Variants in ANKRD13C observed in about 807,000 individuals in gnomAD.
The protein encoded by ANKRD13C is ankyrin repeat domain 13C, also known as ankyrin repeat domain-containing protein 13C.
A neutral mutation model predicts 65.5 loss-of-function variants in ANKRD13C; 16 were observed. The observed-to-expected ratio is 0.24, with a 90% confidence interval of 0.17 to 0.37. The LOEUF (loss-of-function observed/expected upper bound fraction) is 0.37, where lower values mean the gene tolerates loss of function less well. Ranked by LOEUF, ANKRD13C falls within the 10% of genes least tolerant of loss-of-function variation. The pLI, the probability that ANKRD13C is intolerant of heterozygous loss-of-function variation, is 1.00. For synonymous variants in ANKRD13C, 235 were observed against 238.7 expected (o/e 0.98, Z 0.14); for missense variants, 503 against 655.9 (o/e 0.77, Z 2.55).
intron 12 of ANKRD13C, among the ~76,000 whole-genome samples, chr1:70,263,185 A>T (rs1194772738): frequency 1.3e-5 from 2 of 152,012 alleles, no homozygotes; most frequent in Admixed American, 1.3e-4. Flanking sequence ...TGCTTTTTGC[A>T]TTCTGACTTT....
chr1:70,279,898 G>C (rs914266416), intron 9 of ANKRD13C, among the ~76,000 whole-genome samples: 2 of 152,150 alleles, frequency 1.3e-5, no homozygotes, highest in African/African-American at 4.8e-5. Context: ...TTTGGTACGA[G>C]AGTCCATCTC....
intron 3 of ANKRD13C, 44 bp from the exon 4 acceptor site, chr1:70,315,610 T>A (rs373789750): frequency 6.6e-7 from 1 of 1,510,514 alleles, no homozygotes; most frequent in South Asian, 1.2e-5. Flanking sequence ...ATTTTCATCA[T>A]GCAGTAAAAA....
chr1:70,274,954 C>T lies in ANKRD13C; in HGVS notation c.1296-136G>A, dbSNP rs1448189445. 9 of 579,000 alleles carry T rather than the reference C, an allele frequency of 1.6e-5. No individual in the cohort carries two copies. In the East Asian group the frequency reaches 1.7e-4, roughly 11 times the overall value. The allele number at this position is 579,000 out of a possible 1,614,324, so 35.9% of individuals were successfully genotyped here. On this transcript the variant is annotated intron_variant, in intron 10 of 12. Coordinates refer to ENST00000370944, the MANE Select transcript of ANKRD13C (RefSeq NM_030816.5). Reference sequence around the variant, plus strand: ...CTCTGTCTACAGAAATAAAGTTATGCTAAAAGGGAATAAGATATGTATAAG... The same window carrying T: ...CTCTGTCTACAGAAATAAAGTTATGTTAAAAGGGAATAAGATATGTATAAG...
intron 5 of ANKRD13C, among the ~76,000 whole-genome samples, chr1:70,307,632 A>T (rs926050939): frequency 6.6e-6 from 1 of 152,168 alleles, no homozygotes; most frequent in Non-Finnish European, 1.5e-5. Flanking sequence ...GAAATAATGT[A>T]AGAAATCTTC....
At chr1:70,351,617 C>A (rs979340594) in intron 1 of ANKRD13C, among the ~76,000 whole-genome samples, 3 of 152,138 alleles carry the variant, frequency 2.0e-5, no homozygotes, top group African/African-American at 7.2e-5. Context: ...TCAGGCTGGT[C>A]TTGAACTCCT....
chr1:70,297,013 A>G (rs1208124916), intron 7 of ANKRD13C, among the ~76,000 whole-genome samples: 1 of 152,168 alleles, frequency 6.6e-6, no homozygotes, highest in Admixed American at 6.5e-5. Context: ...CAGGGACAGA[A>G]GACTAAATGA....
rs1363458002 is a variant in ANKRD13C at position 70,270,934 on chromosome 1, C to T, written c.1417G>A (p.Val473Ile). 3.7e-6 allele frequency: 6 copies of T among 1,611,070 alleles called. 1 individual carries two copies. In the Admixed American group the frequency reaches 5.0e-5, roughly 13 times the overall value. Residue 473 changes from valine (V) to isoleucine (I), a missense_variant, in exon 12 of 13, where the codon GTA becomes ATA. Around this residue, in one of 2 missense-constraint regions of ANKRD13C, gnomAD observed 300 missense variants for 478.3 expected, o/e 0.63. Coordinates refer to ENST00000370944, the MANE Select transcript of ANKRD13C (RefSeq NM_030816.5). ...TTGTTAAAGTGCTTGAAGGGAGCTA[C>T]TACTTCTAAAACATTCAATAATCTG... The part of the protein sequence containing the change: ...IELLLNVLEV[V>I]APFKHFNKLR...
chr1:70,342,401 G>C (rs549795636), intron 1 of ANKRD13C, among the ~76,000 whole-genome samples: 1 of 152,208 alleles, frequency 6.6e-6, no homozygotes, highest in African/African-American at 2.4e-5. Context: ...AGCCGGGCAT[G>C]GTGGCGCATG....
At position 70,348,390 on chromosome 1, in the gene ANKRD13C, C is replaced by T. The variant is rs139317918; in HGVS notation, c.430+5589G>A. ...ACCTCCCAGTCCTGCCTCAGCCTCC[C>T]GAGTAGCTAGGATTACAGGTGCGCG... On this transcript the variant is annotated intron_variant, in intron 1 of 12. Coordinates refer to ENST00000370944, the MANE Select transcript of ANKRD13C (RefSeq NM_030816.5). Among the ~76,000 whole-genome samples the T allele has an allele frequency of 3.3e-5, 5 of 152,102 alleles. 1 individual carries two copies. The highest frequency in any genetic ancestry group is 3.9e-4 in the East Asian group (2 of 5,166).
intron 3 of ANKRD13C, among the ~76,000 whole-genome samples, chr1:70,323,764 G>A (rs895066799): frequency 1.4e-4 from 21 of 145,254 alleles, no homozygotes; most frequent in South Asian, 2.2e-4. Context: ...TGCTCTTGTC[G>A]CCCGGGCTGG....
intron 1 of ANKRD13C, among the ~76,000 whole-genome samples, chr1:70,345,955 T>C (rs150260292): frequency 6.6e-6 from 1 of 152,284 alleles, no homozygotes; most frequent in East Asian, 1.9e-4. Context: ...TACACTCAAA[T>C]ACCCCTCAAA....
intron 8 of ANKRD13C, among the ~76,000 whole-genome samples, chr1:70,295,216 T>C (rs1680028354): frequency 6.6e-6 from 1 of 152,080 alleles, no homozygotes; most frequent in Non-Finnish European, 1.5e-5. Flanking sequence ...TGCTTCTTCA[T>C]ACAGCTCATT....
intron 2 of ANKRD13C, among the ~76,000 whole-genome samples, chr1:70,326,231 CAAAAAAAAAAAAAAAAA>C (rs59618915): frequency 1.9e-4 from 6 of 31,092 alleles, no homozygotes; most frequent in East Asian, 1.1e-3. Context: ...AACTCTGTCT[CAAAAAAAAAAAAAAAAA>C]AAAAAAAAAA....
intron 9 of ANKRD13C, among the ~76,000 whole-genome samples, chr1:70,279,272 C>T (rs1035873470): frequency 2.0e-5 from 3 of 152,030 alleles, no homozygotes; most frequent in African/African-American, 7.2e-5. Context: ...TTTCTCTACC[C>T]TCCGTTTTCT....
At chr1:70,316,191 A>G (rs1249298690) in intron 3 of ANKRD13C, among the ~76,000 whole-genome samples, 1 of 152,184 alleles carries the variant, frequency 6.6e-6, no homozygotes, top group Non-Finnish European at 1.5e-5. Context: ...ACAAAAATGA[A>G]TCTTATTGTA....
chr1:70,307,103 A>G (rs1317797378), intron 5 of ANKRD13C, among the ~76,000 whole-genome samples: 5 of 152,236 alleles, frequency 3.3e-5, no homozygotes, highest in Non-Finnish European at 5.9e-5. Flanking sequence ...CGGCAGATAT[A>G]TCTTACAAAA....
At chr1:70,274,652 A>T in intron 11 of ANKRD13C, 68 bp downstream of exon 11, 1 of 1,214,386 alleles carries the variant, frequency 8.2e-7, no homozygotes, top group Non-Finnish European at 1.2e-6. Flanking sequence ...CTGGGGTGCA[A>T]ATATTATTAC....
At chr1:70,290,401 TA>T (rs1572063505) in intron 9 of ANKRD13C, among the ~76,000 whole-genome samples, 1 of 152,328 alleles carries the variant, frequency 6.6e-6, no homozygotes, top group East Asian at 1.9e-4. Context: ...TTAACCTTTT[TA>T]TAACTGTGAC....
rs776480050 is a variant in ANKRD13C at position 70,262,825 on chromosome 1, G to A, written c.1518C>T (p.Ile506=). 1 of 1,612,388 alleles carries A rather than the reference G, an allele frequency of 6.2e-7. No homozygotes were observed. The highest frequency in any genetic ancestry group is 8.5e-7 in the Non-Finnish European group (1 of 1,178,966). Residue 506 remains isoleucine (I), a synonymous_variant, in exon 13 of 13, where the codon ATC becomes ATT. Coordinates refer to ENST00000370944, the MANE Select transcript of ANKRD13C (RefSeq NM_030816.5). Reference sequence around the variant, plus strand: ...ACTCCTGAAAAGTCACAGTGGCTGTGATTGTGGGAAACACAGGTATATCTA... The same window carrying A: ...ACTCCTGAAAAGTCACAGTGGCTGTAATTGTGGGAAACACAGGTATATCTA... ...VKLDIPVFPT[I]TATVTFQEFR...
Sources: gnomAD v4.1 joint callset for allele counts (sites outside exome capture counted in the v4.1 genomes callset) on GRCh38, gnomAD v4.1.1 for gene constraint, gnomAD v4.1.1 regional missense constraint, MANE v1.5 for transcripts, NCBI Gene and HGNC (gene_info 2026-07-23, HGNC 2026-07-21) for gene names.